Variants in FTCDNL1 observed in about 807,000 individuals in gnomAD.
FTCDNL1 encodes formiminotransferase cyclodeaminase N-terminal like, also known as formiminotransferase N-terminal subdomain-containing protein.
In FTCDNL1, 11 loss-of-function variants were observed where a neutral mutation model predicts 5.9. That is an observed-to-expected ratio of 1.87 (90% CI 1.18 to 3.10). The LOEUF is 3.10. FTCDNL1 is among the 30% of genes most tolerant of loss of function. FTCDNL1 has a pLI of 0.00. For synonymous variants in FTCDNL1, 58 were observed against 24.8 expected, an observed-to-expected ratio of 2.34 and a Z score of -3.99; for missense variants, 115 against 65.5, an observed-to-expected ratio of 1.76 and a Z score of -2.61.
At chr2:199,796,900 G>A (rs544920866) in intron 3 of FTCDNL1, among the ~76,000 whole-genome samples, 5 of 152,108 alleles carry the variant, frequency 3.3e-5, no homozygotes, top group African/African-American at 4.8e-5. Context: ...AGGACTATAC[G>A]CCTTAAGCCC....
chr2:199,697,179 G>T, the FTCDNL1 span, among the ~76,000 whole-genome samples: 4 of 152,138 alleles, frequency 2.6e-5, no homozygotes, highest in African/African-American at 9.7e-5. Context: ...GGCTGATACA[G>T]GAGAATGGCG....
the FTCDNL1 span, among the ~76,000 whole-genome samples, chr2:199,675,148 A>G: frequency 6.6e-6 from 1 of 152,162 alleles, no homozygotes; most frequent in Non-Finnish European, 1.5e-5. Flanking sequence ...TTGTGTCTGC[A>G]TGATCATCCC....
At chr2:199,737,891 G>A in the FTCDNL1 span, among the ~76,000 whole-genome samples, 3 of 152,200 alleles carry the variant, frequency 2.0e-5, no homozygotes, top group Non-Finnish European at 4.4e-5. Context: ...GAGCGTTTCA[G>A]TTAGAAGATA....
At chr2:199,848,544 T>C (rs1207788419) in intron 2 of FTCDNL1, among the ~76,000 whole-genome samples, 1 of 152,190 alleles carries the variant, frequency 6.6e-6, no homozygotes, top group Non-Finnish European at 1.5e-5. Context: ...TTTATGTAAA[T>C]ACATCCTCCC....
At chr2:199,664,375 C>G in the FTCDNL1 span, among the ~76,000 whole-genome samples, 7 of 152,244 alleles carry the variant, frequency 4.6e-5, no homozygotes, top group South Asian at 1.2e-3. Flanking sequence ...TCTAAGAAAA[C>G]TGAAGAACAC....
At chr2:199,711,196 A>G in the FTCDNL1 span, among the ~76,000 whole-genome samples, 1 of 152,118 alleles carries the variant, frequency 6.6e-6, no homozygotes, top group South Asian at 2.1e-4. Context: ...ATTACTAAAA[A>G]TACAGGAAGA....
chr2:199,809,434 G>C lies in FTCDNL1; in HGVS notation c.*3271C>G, dbSNP rs1568746. Reference sequence around the variant, plus strand: ...TCCTTAAAATAAATTCACATTTTGCGCTCTTATTAAAGAAGATCACAGTCT... The same window carrying C: ...TCCTTAAAATAAATTCACATTTTGCCCTCTTATTAAAGAAGATCACAGTCT... On this transcript the variant is annotated 3_prime_UTR_variant, in exon 5 of 5. Coordinates refer to ENST00000420128, the MANE Select transcript of FTCDNL1 (RefSeq NM_001363886.2). 7.3e-4 allele frequency among the ~76,000 whole-genome samples: 111 copies of C among 151,774 alleles called. No individual in the cohort carries two copies. The South Asian group carries it at 0.014, about 20-fold the overall frequency.
In FTCDNL1 at chr2:199,810,440, C is replaced by T. The variant is rs1405833646; in HGVS notation, c.*2265G>A. 2.6e-5 allele frequency among the ~76,000 whole-genome samples: 4 copies of T among 152,124 alleles called. No individual in the cohort carries two copies. The highest frequency in any genetic ancestry group is 4.4e-5 in the Non-Finnish European group (3 of 68,024). On this transcript the variant is annotated 3_prime_UTR_variant, in exon 5 of 5. Transcript: ENST00000420128. ...GGAGCCAAACAAGACAAAAGAGTTC[C>T]CTCACACAGACTTATAAACCTCGTG...
At chr2:199,823,249 C>G (rs904020034) in intron 3 of FTCDNL1, among the ~76,000 whole-genome samples, 1 of 152,156 alleles carries the variant, frequency 6.6e-6, no homozygotes, top group Non-Finnish European at 1.5e-5. Context: ...TCTGCAGTGA[C>G]TTCCTCCACT....
the FTCDNL1 span, among the ~76,000 whole-genome samples, chr2:199,668,471 T>C: frequency 1.7e-4 from 26 of 152,142 alleles, no homozygotes; most frequent in African/African-American, 6.0e-4. Context: ...GCATGGCCAA[T>C]GAAGGACCCA....
chr2:199,747,933 T>C, the FTCDNL1 span, among the ~76,000 whole-genome samples: 4 of 152,182 alleles, frequency 2.6e-5, no homozygotes, highest in Non-Finnish European at 5.9e-5. Context: ...TTTCATTTGA[T>C]GTTGGATGGC....
chr2:199,838,267 A>G (rs1004901068), intron 3 of FTCDNL1, among the ~76,000 whole-genome samples: 2 of 152,224 alleles, frequency 1.3e-5, no homozygotes, highest in African/African-American at 4.8e-5. Flanking sequence ...GTCAGACAAA[A>G]GAAGAATGCT....
chr2:199,772,901 G>C (rs1407531255), intron 3 of FTCDNL1, among the ~76,000 whole-genome samples: 1 of 152,210 alleles, frequency 6.6e-6, no homozygotes, highest in African/African-American at 2.4e-5. Flanking sequence ...ATAATTAGCT[G>C]TGTTCATTGG....
the FTCDNL1 span, among the ~76,000 whole-genome samples, chr2:199,754,000 C>T: frequency 1.3e-5 from 2 of 152,138 alleles, no homozygotes; most frequent in African/African-American, 4.8e-5. Context: ...ATTGCCCCTC[C>T]AAGACTCCCT....
the FTCDNL1 span, among the ~76,000 whole-genome samples, chr2:199,687,912 G>C: frequency 6.6e-6 from 1 of 152,124 alleles, no homozygotes; most frequent in South Asian, 2.1e-4. Context: ...CACTTGCCCA[G>C]TGTTACATAG....
chr2:199,846,509 G>A (rs1012083422), intron 2 of FTCDNL1, among the ~76,000 whole-genome samples: 1 of 152,106 alleles, frequency 6.6e-6, no homozygotes, highest in South Asian at 2.1e-4. Context: ...TCTAAATCCT[G>A]TTCCTTATCA....
chr2:199,747,564 C>T, the FTCDNL1 span, among the ~76,000 whole-genome samples: 2 of 142,592 alleles, frequency 1.4e-5, no homozygotes, highest in African/African-American at 2.6e-5. Flanking sequence ...CTAAAACCCT[C>T]GGGGAGAATC....
chr2:199,810,136 A>T lies in FTCDNL1; in HGVS notation c.*2569T>A, dbSNP rs547358681. ...CGTCATCAGCAGCAACAGGCCTTAGACCTTCATTCATTTCCAAGGCCATCT... is the reference window on the plus strand; with the variant it reads ...CGTCATCAGCAGCAACAGGCCTTAGTCCTTCATTCATTTCCAAGGCCATCT... On this transcript the variant is annotated 3_prime_UTR_variant, in exon 5 of 5. Transcript: ENST00000420128. Among the ~76,000 whole-genome samples, 16 of 152,086 alleles carry T rather than the reference A, an allele frequency of 1.1e-4. No homozygotes were observed. Among genetic ancestry groups the T allele is most frequent in the African/African-American group, 3.9e-4 (16 of 41,490 alleles).
the FTCDNL1 span, among the ~76,000 whole-genome samples, chr2:199,698,213 T>C: frequency 6.6e-6 from 1 of 152,110 alleles, no homozygotes; most frequent in African/African-American, 2.4e-5. Flanking sequence ...ACTGACAGTA[T>C]TGGACATATC....
Sources: gnomAD v4.1 joint callset for allele counts (sites outside exome capture counted in the v4.1 genomes callset) on GRCh38, gnomAD v4.1.1 for gene constraint, MANE v1.5 for transcripts, NCBI Gene and HGNC (gene_info 2026-07-23, HGNC 2026-07-21) for gene names.